The following OR2L13 variants were observed in gnomAD, a reference collection of about 807,000 sequenced individuals.
The protein encoded by OR2L13 is olfactory receptor 2L13.
A neutral mutation model predicts 15.3 loss-of-function variants in OR2L13; 14 were observed. That is an observed-to-expected ratio of 0.91 (90% CI 0.60 to 1.43). The LOEUF is 1.43. Among genes scored for constraint, OR2L13 ranks in the 40% most tolerant of loss-of-function variants. The probability of loss-of-function intolerance (pLI) is 0.00; values close to 1 mark genes in which losing one functional copy is unlikely to be tolerated. For missense variants in OR2L13, 367 were observed against 387.9 expected, an observed-to-expected ratio of 0.95 and a Z score of 0.45; for synonymous variants, 152 against 142.9, an observed-to-expected ratio of 1.06 and a Z score of -0.45.
chr1:247,956,957 C>T, the OR2L13 span, among the ~76,000 whole-genome samples: 1 of 152,068 alleles, frequency 6.6e-6, no homozygotes, highest in Non-Finnish European at 1.5e-5. Context: ...GCCTGATTGC[C>T]CTGGCCAGAA....
the OR2L13 span, chr1:248,060,665 G>A: frequency 3.8e-6 from 6 of 1,592,098 alleles, no homozygotes; most frequent in Admixed American, 1.0e-4. Context: ...CTTCAGGAAA[G>A]AGCACACGAA....
chr1:248,057,361 G>A, the OR2L13 span, among the ~76,000 whole-genome samples: 1 of 152,152 alleles, frequency 6.6e-6, no homozygotes, highest in Non-Finnish European at 1.5e-5. Context: ...AGAAATTTTT[G>A]TCGAATTGAA....
chr1:248,060,644 C>T, the OR2L13 span: 1 of 1,528,418 alleles, frequency 6.5e-7, no homozygotes, highest in East Asian at 2.3e-5. Context: ...TTAACTTACC[C>T]TTGTGTCTCC....
the OR2L13 span, among the ~76,000 whole-genome samples, chr1:248,021,689 C>A: frequency 6.6e-6 from 1 of 152,088 alleles, no homozygotes; most frequent in East Asian, 1.9e-4. Flanking sequence ...ATTTGCATAA[C>A]TTTTATTAGA....
At chr1:248,008,401 C>T in the OR2L13 span, among the ~76,000 whole-genome samples, 3 of 152,120 alleles carry the variant, frequency 2.0e-5, no homozygotes, top group Non-Finnish European at 2.9e-5. Flanking sequence ...GTCACATGTA[C>T]ATGTAATATT....
chr1:248,032,301 TTTTA>T, the OR2L13 span, among the ~76,000 whole-genome samples: 11 of 152,166 alleles, frequency 7.2e-5, no homozygotes, highest in Admixed American at 2.0e-4. Flanking sequence ...TTTTATTATT[TTTTA>T]TTTCTTATTT....
the OR2L13 span, among the ~76,000 whole-genome samples, chr1:248,013,989 C>T: frequency 2.6e-5 from 4 of 152,022 alleles, no homozygotes; most frequent in African/African-American, 9.7e-5. Flanking sequence ...AGAGATAGGG[C>T]TAAATTATAT....
the OR2L13 span, among the ~76,000 whole-genome samples, chr1:247,963,645 T>C: frequency 6.6e-6 from 1 of 152,208 alleles, no homozygotes; most frequent in East Asian, 1.9e-4. Flanking sequence ...TTGGCATAGT[T>C]ATAAGTAATT....
chr1:248,092,752 T>C (rs1041696873), upstream of OR2L13, among the ~76,000 whole-genome samples: 1 of 152,238 alleles, frequency 6.6e-6, no homozygotes, highest in African/African-American at 2.4e-5. Context: ...ATTCATTACA[T>C]CCTGGATTTT....
chr1:247,979,236 A>G, the OR2L13 span, among the ~76,000 whole-genome samples: 1 of 152,098 alleles, frequency 6.6e-6, no homozygotes, highest in African/African-American at 2.4e-5. Context: ...ACATGTATAC[A>G]TGTGCCATGT....
chr1:247,978,768 C>T, the OR2L13 span, among the ~76,000 whole-genome samples: 1 of 152,010 alleles, frequency 6.6e-6, no homozygotes, highest in African/African-American at 2.4e-5. Flanking sequence ...CCCTCCTCCT[C>T]TGGGCTTCCT....
chr1:247,973,046 T>C, the OR2L13 span, among the ~76,000 whole-genome samples: 3 of 152,170 alleles, frequency 2.0e-5, no homozygotes, highest in Non-Finnish European at 2.9e-5. Flanking sequence ...TCTTGATAGA[T>C]GCAGGAAAGG....
the OR2L13 span, among the ~76,000 whole-genome samples, chr1:248,026,424 G>C: frequency 6.6e-6 from 1 of 152,332 alleles, no homozygotes; most frequent in Non-Finnish European, 1.5e-5. Flanking sequence ...AGAATCCCAA[G>C]TATGGTTCAC....
the OR2L13 span, among the ~76,000 whole-genome samples, chr1:247,958,329 T>C: frequency 6.6e-6 from 1 of 152,202 alleles, no homozygotes; most frequent in Non-Finnish European, 1.5e-5. Context: ...ATTTCTGTTC[T>C]TTTAGATTTG....
the OR2L13 span, chr1:247,965,419 G>C: frequency 6.2e-7 from 1 of 1,612,872 alleles, no homozygotes; most frequent in Non-Finnish European, 8.5e-7. Flanking sequence ...TTTTCTACTT[G>C]TTGGTCTTTT....
At chr1:248,053,347 T>G in the OR2L13 span, among the ~76,000 whole-genome samples, 1 of 152,244 alleles carries the variant, frequency 6.6e-6, no homozygotes, top group African/African-American at 2.4e-5. Flanking sequence ...CTTTATTCAG[T>G]CTATCATTAA....
chr1:248,001,981 A>T, the OR2L13 span, among the ~76,000 whole-genome samples: 6 of 152,222 alleles, frequency 3.9e-5, no homozygotes, highest in Non-Finnish European at 7.4e-5. Flanking sequence ...CAAATATTAC[A>T]TGTTCTACTT....
the OR2L13 span, among the ~76,000 whole-genome samples, chr1:248,068,532 A>T: frequency 1.3e-5 from 2 of 152,188 alleles, no homozygotes; most frequent in Non-Finnish European, 2.9e-5. Context: ...ATGGGGAAAA[A>T]ACAGAGCAGA....
the OR2L13 span, among the ~76,000 whole-genome samples, chr1:247,944,014 A>G: frequency 1.3e-5 from 2 of 151,528 alleles, no homozygotes; most frequent in Non-Finnish European, 2.9e-5. Context: ...CTATTTCTTG[A>G]CTCTGTTTTC....
Sources: gnomAD v4.1 joint callset for allele counts (sites outside exome capture counted in the v4.1 genomes callset) on GRCh38, gnomAD v4.1.1 for gene constraint, MANE v1.5 for transcripts, NCBI Gene and HGNC (gene_info 2026-07-23, HGNC 2026-07-21) for gene names.